TENM4: variants seen among roughly 807,000 people sequenced by gnomAD.
TENM4 encodes teneurin-4.
TENM4 carries 82 observed loss-of-function variants against 243.3 expected under a neutral mutation model. That is an observed-to-expected ratio of 0.34 (90% CI 0.28 to 0.40). The LOEUF is 0.40. TENM4 is among the 10% of genes least tolerant of loss of function. The pLI is 1.00. For synonymous variants in TENM4, 1,412 were observed against 1,456.3 expected (o/e 0.97, Z 0.69); for missense variants, 3,138 against 3,673.3 (o/e 0.85, Z 3.77).
intron 6 of TENM4, among the ~76,000 whole-genome samples, chr11:79,036,295 T>C (rs1319269120): frequency 6.6e-6 from 1 of 152,214 alleles, no homozygotes; most frequent in East Asian, 1.9e-4. Context: ...ACGATGAGTG[T>C]TGTTCCTGTG....
chr11:79,143,217 A>G (rs1408846929), intron 4 of TENM4, among the ~76,000 whole-genome samples: 2 of 152,164 alleles, frequency 1.3e-5, no homozygotes, highest in African/African-American at 2.4e-5. Context: ...CTATAAAGAC[A>G]CATGCACACG....
chr11:79,399,404 G>A (rs1488076328), intron 1 of TENM4, among the ~76,000 whole-genome samples: 1 of 152,220 alleles, frequency 6.6e-6, no homozygotes, highest in Non-Finnish European at 1.5e-5. Flanking sequence ...GAGAAAGATT[G>A]TGGTCCCTGC....
At chr11:79,015,101 G>C (rs189177994) in intron 6 of TENM4, among the ~76,000 whole-genome samples, 1 of 152,200 alleles carries the variant, frequency 6.6e-6, no homozygotes, top group Non-Finnish European at 1.5e-5. Context: ...GTCTCTGTAA[G>C]AAGTGCAGCA....
chr11:79,312,169 AT>A (rs1394941930), intron 1 of TENM4, among the ~76,000 whole-genome samples: 4 of 152,110 alleles, frequency 2.6e-5, no homozygotes, highest in African/African-American at 9.7e-5. Context: ...CTCCATCTGA[AT>A]CATTCTCAGA....
At chr11:79,117,818 C>G (rs544424867) in intron 4 of TENM4, among the ~76,000 whole-genome samples, 105 of 152,336 alleles carry the variant, frequency 6.9e-4, no homozygotes, top group South Asian at 2.5e-3. Flanking sequence ...TGAGAATACC[C>G]ACTTTCCACA....
chr11:78,883,482 C>T (rs1855482576), intron 9 of TENM4, among the ~76,000 whole-genome samples: 2 of 152,204 alleles, frequency 1.3e-5, no homozygotes, highest in Non-Finnish European at 2.9e-5. Flanking sequence ...GGCGCCACTG[C>T]CCTGCAGGGC....
chr11:79,328,003 G>A (rs895118560), intron 1 of TENM4, among the ~76,000 whole-genome samples: 1 of 152,182 alleles, frequency 6.6e-6, no homozygotes, highest in African/African-American at 2.4e-5. Flanking sequence ...GGACCCAAGG[G>A]TACATAAGCA....
intron 4 of TENM4, among the ~76,000 whole-genome samples, chr11:79,101,111 A>C (rs984435176): frequency 5.9e-5 from 9 of 152,222 alleles, no homozygotes; most frequent in African/African-American, 2.2e-4. Context: ...GGCCATCCCC[A>C]GGGTTTCAAA....
At chr11:78,739,255 A>G (rs1855868539) in intron 19 of TENM4, among the ~76,000 whole-genome samples, 1 of 152,124 alleles carries the variant, frequency 6.6e-6, no homozygotes, top group African/African-American at 2.4e-5. Context: ...TGCCAGGCAA[A>G]TGTTGCTTAG....
At chr11:79,410,721 G>C (rs916519723) in intron 1 of TENM4, among the ~76,000 whole-genome samples, 3 of 152,158 alleles carry the variant, frequency 2.0e-5, no homozygotes. Context: ...GAATAGTATT[G>C]CCTGCCTGAT....
At chr11:79,192,253 C>G (rs555793487) in intron 3 of TENM4, among the ~76,000 whole-genome samples, 1 of 152,212 alleles carries the variant, frequency 6.6e-6, no homozygotes, top group African/African-American at 2.4e-5. Context: ...GCCACCACCC[C>G]GTCTGGGAGG....
intron 27 of TENM4, among the ~76,000 whole-genome samples, chr11:78,702,774 A>T (rs550197375): frequency 1.3e-5 from 2 of 152,294 alleles, no homozygotes; most frequent in East Asian, 3.9e-4. Context: ...ACATATGGGA[A>T]ATGGGAATGA....
chr11:79,211,344 G>A (rs571247144), intron 3 of TENM4, among the ~76,000 whole-genome samples: 12 of 152,194 alleles, frequency 7.9e-5, no homozygotes, highest in African/African-American at 2.4e-4. Context: ...CTAGATTCAC[G>A]GTTGACTTCC....
Position 79,064,766 on chromosome 11 carries a change from G to A in TENM4, c.465C>T (p.Thr155=), listed in dbSNP as rs773017125. The change falls in exon 6 of 34, where the codon ACC becomes ACT. Residue 155 remains threonine, a synonymous_variant. Coordinates refer to ENST00000278550, the MANE Select transcript of TENM4 (RefSeq NM_001098816.3). The stretch of plus-strand genomic sequence containing the variant: ...TCTCAGTGTTTTCATGCTCGGTGTC[G>A]GTGAGTGTGAGATTGGAATTGGCCC... The part of the protein sequence containing the change: ...SSRANSNLTL[T]DTEHENTETD... The A allele has an allele frequency of 1.7e-5, 26 of 1,551,490 alleles. No individual in the cohort carries two copies. Among genetic ancestry groups the A allele is most frequent in the South Asian group, 1.3e-4 (11 of 84,056 alleles).
At chr11:79,028,704 T>C (rs1348758708) in intron 6 of TENM4, among the ~76,000 whole-genome samples, 2 of 152,238 alleles carry the variant, frequency 1.3e-5, no homozygotes, top group East Asian at 3.9e-4. Context: ...GAACTGCTGG[T>C]CTTGGGTAGA....
chr11:78,908,286 C>A (rs917930947), intron 6 of TENM4, among the ~76,000 whole-genome samples: 1 of 152,154 alleles, frequency 6.6e-6, no homozygotes, highest in African/African-American at 2.4e-5. Flanking sequence ...GTTTTCTTAT[C>A]ACTAAATGGA....
At chr11:79,212,601 T>C (rs1229842056) in intron 3 of TENM4, among the ~76,000 whole-genome samples, 1 of 152,082 alleles carries the variant, frequency 6.6e-6, no homozygotes, top group African/African-American at 2.4e-5. Flanking sequence ...GACTGAAAAG[T>C]GAAGGGCCTG....
chr11:78,796,257 C>G (rs1188341746), intron 15 of TENM4, among the ~76,000 whole-genome samples: 1 of 152,126 alleles, frequency 6.6e-6, no homozygotes, highest in Non-Finnish European at 1.5e-5. Context: ...TAGAGGAGTT[C>G]AAACCCAGCT....
chr11:78,784,779 T>A (rs908241606), intron 16 of TENM4, among the ~76,000 whole-genome samples: 5 of 152,184 alleles, frequency 3.3e-5, no homozygotes, highest in Admixed American at 2.6e-4. Context: ...TTTGACTTCT[T>A]GGCATCAAAA....
Sources: gnomAD v4.1 joint callset for allele counts (sites outside exome capture counted in the v4.1 genomes callset) on GRCh38, gnomAD v4.1.1 for gene constraint, MANE v1.5 for transcripts, NCBI Gene and HGNC (gene_info 2026-07-23, HGNC 2026-07-21) for gene names.